The following CAPZB variants were observed in gnomAD, a reference collection of about 807,000 sequenced individuals.
CAPZB encodes the protein F-actin-capping protein subunit beta.
A neutral mutation model predicts 38.1 loss-of-function variants in CAPZB; 2 were observed. The observed-to-expected ratio is 0.05, with a 90% CI of 0.02 to 0.17. CAPZB has a LOEUF of 0.17. Ranked by LOEUF, CAPZB falls within the 10% of genes least tolerant of loss-of-function variation. The pLI is 1.00. For missense variants in CAPZB, 161 were observed against 334.2 expected (o/e 0.48, Z 4.04); for synonymous variants, 107 against 127.4 (o/e 0.84, Z 1.08).
chr1:19,418,941 C>T (rs1042637345), intron 2 of CAPZB, among the ~76,000 whole-genome samples: 3 of 152,230 alleles, frequency 2.0e-5, no homozygotes, highest in East Asian at 1.9e-4. Flanking sequence ...CAGGGACTCA[C>T]GTTCCAAACC....
At chr1:19,406,708 A>G (rs764363432) in intron 2 of CAPZB, among the ~76,000 whole-genome samples, 1 of 152,150 alleles carries the variant, frequency 6.6e-6, no homozygotes, top group Non-Finnish European at 1.5e-5. Context: ...AATGGGCATA[A>G]AAGATCAACC....
chr1:19,395,789 G>C (rs891953264), intron 2 of CAPZB, among the ~76,000 whole-genome samples: 2 of 152,306 alleles, frequency 1.3e-5, no homozygotes, highest in Admixed American at 1.3e-4. Flanking sequence ...TCGTCCCTGA[G>C]AGATGAAGCA....
intron 2 of CAPZB, 21 bp from the exon 3 acceptor site, chr1:19,385,647 G>A: frequency 6.2e-7 from 1 of 1,614,152 alleles, no homozygotes. Context: ...GAAAGGACAA[G>A]GTCGAAACAG....
chr1:19,475,618 G>C (rs1458956040), intron 1 of CAPZB, among the ~76,000 whole-genome samples: 1 of 152,162 alleles, frequency 6.6e-6, no homozygotes, highest in Non-Finnish European at 1.5e-5. Flanking sequence ...CTGACAACTG[G>C]GTAGGCCCTA....
intron 2 of CAPZB, among the ~76,000 whole-genome samples, chr1:19,411,192 C>T (rs1330807444): frequency 1.3e-5 from 2 of 152,054 alleles, no homozygotes; most frequent in Non-Finnish European, 2.9e-5. Context: ...GTGAGACCCC[C>T]ATCTCTATTT....
chr1:19,438,212 G>A lies in CAPZB; in HGVS notation c.4-18462C>T, dbSNP rs569532865. Among the ~76,000 whole-genome samples, 66 of 152,290 alleles carry A rather than the reference G, an allele frequency of 4.3e-4. No homozygotes were observed. In the South Asian group the frequency reaches 8.7e-3, roughly 20 times the overall value. On this transcript the variant is annotated intron_variant, in intron 1 of 8. Transcript: ENST00000264202. ...GGAATCGCTGCTTAAGAAGAGGCTG[G>A]AAAACTAGGGAGTGCGCGATCAGAG... is the stretch of plus-strand genomic sequence containing the variant.
At position 19,480,263 on chromosome 1, in the gene CAPZB, C is replaced by T. The variant is rs529576293; in HGVS notation, c.3+5173G>A. 2.0e-5 allele frequency among the ~76,000 whole-genome samples: 3 copies of T among 152,270 alleles called. No homozygotes were observed. In the South Asian group the frequency reaches 6.2e-4, roughly 32 times the overall value. On this transcript the variant is annotated intron_variant, in intron 1 of 8. Coordinates refer to ENST00000264202, the MANE Select transcript of CAPZB (RefSeq NM_004930.5). ...GTATGCAGAATAAGACATGCAACAA[C>T]CACAGCTACTGTGTGCCAAGCACTG...
intron 8 of CAPZB, 46 bp from the exon 9 acceptor site, chr1:19,339,663 T>A: frequency 6.9e-7 from 1 of 1,455,240 alleles, no homozygotes; most frequent in Non-Finnish European, 9.7e-7. Context: ...CAGGGACTGG[T>A]GAGGCGGTGG....
chr1:19,367,076 C>T (rs968560325), intron 4 of CAPZB, among the ~76,000 whole-genome samples: 2 of 152,242 alleles, frequency 1.3e-5, no homozygotes, highest in African/African-American at 4.8e-5. Flanking sequence ...TAGCCAACTT[C>T]AAAAAGAAGC....
chr1:19,405,418 G>A (rs2094326087), intron 2 of CAPZB, among the ~76,000 whole-genome samples: 1 of 151,842 alleles, frequency 6.6e-6, no homozygotes, highest in South Asian at 2.1e-4. Flanking sequence ...CAGCGTTTGG[G>A]ACTAGGAAGG....
At position 19,339,280 on chromosome 1, in the gene CAPZB, C is replaced by A; in HGVS notation, c.*250G>T. 1 of 506,116 alleles carries A rather than the reference C, an allele frequency of 2.0e-6. No homozygotes were observed. Among genetic ancestry groups the A allele is most frequent in the Non-Finnish European group, 3.5e-6 (1 of 284,550 alleles). 31.4% of individuals were successfully genotyped at this position (506,116 alleles called of 1,614,324 possible). ...GAGGAAGACGGGGGGCCCGGGTGAA[C>A]AAAAACCACACGGTCTCTATGGAAA... On this transcript the variant is annotated 3_prime_UTR_variant, in exon 9 of 9. Coordinates refer to ENST00000264202, the MANE Select transcript of CAPZB (RefSeq NM_004930.5).
intron 6 of CAPZB, among the ~76,000 whole-genome samples, chr1:19,345,904 A>G (rs1257507918): frequency 2.0e-5 from 3 of 152,216 alleles, no homozygotes; most frequent in Non-Finnish European, 2.9e-5. Flanking sequence ...GAGAGTCTCA[A>G]TATAGACTCT....
intron 1 of CAPZB, among the ~76,000 whole-genome samples, chr1:19,428,519 T>C (rs975068214): frequency 9.2e-5 from 14 of 152,210 alleles, no homozygotes; most frequent in Admixed American, 7.9e-4. Context: ...AACTGCTTTA[T>C]GTGTCTCTCT....
intron 2 of CAPZB, among the ~76,000 whole-genome samples, chr1:19,409,648 G>A (rs1247728628): frequency 1.3e-5 from 2 of 152,228 alleles, no homozygotes; most frequent in African/African-American, 4.8e-5. Flanking sequence ...TGGATAAACT[G>A]CTGGAGGCCC....
Position 19,340,518 on chromosome 1 carries a change from G to A in CAPZB, c.732-901C>T, listed in dbSNP as rs576039510. Reference sequence around the variant, plus strand: ...ATATATTATCTCATTTAATTTTCACGGGCATCCTGGGGAAGTCTCAACTAT... The same window carrying A: ...ATATATTATCTCATTTAATTTTCACAGGCATCCTGGGGAAGTCTCAACTAT... On this transcript the variant is annotated intron_variant, in intron 8 of 8. Coordinates refer to ENST00000264202, the MANE Select transcript of CAPZB (RefSeq NM_004930.5). 7.0e-4 allele frequency among the ~76,000 whole-genome samples: 107 copies of A among 152,244 alleles called. 1 individual carries two copies. The highest frequency in any genetic ancestry group is 1.6e-3 in the African/African-American group (68 of 41,542).
At chr1:19,361,546 GCA>G (rs1014138578) in intron 4 of CAPZB, among the ~76,000 whole-genome samples, 22 of 152,264 alleles carry the variant, frequency 1.4e-4, no homozygotes, top group African/African-American at 5.1e-4. Context: ...ACTGCAGGGC[GCA>G]CAGACAGCGC....
intron 6 of CAPZB, among the ~76,000 whole-genome samples, chr1:19,353,243 C>G (rs372361210): frequency 1.3e-5 from 2 of 152,274 alleles, no homozygotes; most frequent in South Asian, 4.1e-4. Flanking sequence ...GAGACAGCTC[C>G]AAAACCAAGC....
At chr1:19,349,642 G>A (rs1467889220) in intron 6 of CAPZB, among the ~76,000 whole-genome samples, 1 of 152,178 alleles carries the variant, frequency 6.6e-6, no homozygotes, top group Non-Finnish European at 1.5e-5. Context: ...AGGTAGGAGA[G>A]GTCGGGTGGA....
At chr1:19,479,454 T>C (rs1173237294) in intron 1 of CAPZB, among the ~76,000 whole-genome samples, 1 of 152,180 alleles carries the variant, frequency 6.6e-6, no homozygotes, top group South Asian at 2.1e-4. Context: ...GACACCACTA[T>C]CTAGGATTTA....
Sources: allele counts gnomAD v4.1 joint callset (sites outside exome capture counted in the v4.1 genomes callset), GRCh38; gene constraint gnomAD v4.1.1; transcripts MANE v1.5; gene names NCBI Gene and HGNC (gene_info 2026-07-23, HGNC 2026-07-21).